ZNF516: variants seen among roughly 807,000 people sequenced by gnomAD.
ZNF516 encodes zinc finger protein 516.
A neutral mutation model predicts 79.7 loss-of-function variants in ZNF516; 19 were observed. The observed-to-expected ratio is 0.24, with a 90% CI of 0.17 to 0.35. The LOEUF (loss-of-function observed/expected upper bound fraction) is 0.35, where lower values mean the gene tolerates loss of function less well. Ranked by LOEUF, ZNF516 falls within the 10% of genes least tolerant of loss-of-function variation. ZNF516 has a pLI of 1.00. For synonymous variants in ZNF516, 877 were observed against 739.5 expected, an observed-to-expected ratio of 1.19 and a Z score of -3.02; for missense variants, 1,678 against 1,679.5, an observed-to-expected ratio of 1.00 and a Z score of 0.02.
chr18:76,404,715 G>A (rs76638533), intron 3 of ZNF516, among the ~76,000 whole-genome samples: 3,060 of 142,400 alleles, frequency 0.021, 86 homozygotes, highest in African/African-American at 0.076. Context: ...GCATATGCAC[G>A]TGTGCATGTG....
In ZNF516 at chr18:76,360,483, G is replaced by C. The variant is rs1401918283; in HGVS notation, c.*2015C>G. 6.6e-6 allele frequency: 1 copy of C among 151,578 alleles called. No homozygotes were observed. Among genetic ancestry groups the C allele is most frequent in the East Asian group, 1.9e-4 (1 of 5,180 alleles). The allele number at this position is 151,578 out of a possible 1,614,324, so 9.4% of individuals were successfully genotyped here. ...CTTCTGATTTCTTAGGTGGACAGAG[G>C]AATGTGTCTCCGCAACTTTGCCCAA... On this transcript the variant is annotated 3_prime_UTR_variant, in exon 7 of 7. Coordinates refer to ENST00000443185, the MANE Select transcript of ZNF516 (RefSeq NM_014643.4).
chr18:76,384,744 T>C (rs977764954), intron 3 of ZNF516, among the ~76,000 whole-genome samples: 17 of 152,020 alleles, frequency 1.1e-4, no homozygotes, highest in African/African-American at 3.9e-4. Context: ...CCTGGTTCCG[T>C]GGCTCCCATG....
At chr18:76,452,040 G>A (rs865805333) in intron 2 of ZNF516, among the ~76,000 whole-genome samples, 1 of 152,172 alleles carries the variant, frequency 6.6e-6, no homozygotes, top group African/African-American at 2.4e-5. Flanking sequence ...TTATGAACCA[G>A]CTACATTTCC....
At chr18:76,466,896 T>A (rs1913508855) in intron 1 of ZNF516, among the ~76,000 whole-genome samples, 1 of 151,874 alleles carries the variant, frequency 6.6e-6, no homozygotes, top group Non-Finnish European at 1.5e-5. Flanking sequence ...CCACGGGCGG[T>A]GAACGTGGGG....
intron 3 of ZNF516, among the ~76,000 whole-genome samples, chr18:76,405,691 C>T (rs905216644): frequency 8.6e-5 from 13 of 151,974 alleles, no homozygotes; most frequent in Admixed American, 6.5e-4. Context: ...GGTCATCAGG[C>T]CTGCAGTATT....
In ZNF516 at chr18:76,442,689, C is replaced by T. The variant is rs28670651; in HGVS notation, c.366G>A (p.Ser122=). Residue 122 remains serine (S), a synonymous_variant, in exon 3 of 7, where the codon TCG becomes TCA. Coordinates refer to ENST00000443185, the MANE Select transcript of ZNF516 (RefSeq NM_014643.4). The part of the protein sequence containing the change: ...DACASPTKSA[S]ACNRLLNGAS... ...CCCCGTTCAGCAGCCGGTTGCAGGC[C>T]GAGGCGCTCTTGGTGGGGCTGGCGC... The T allele has an allele frequency of 1.4e-4, 224 of 1,583,512 alleles. 2 individuals are homozygous for T. In the East Asian group the frequency reaches 5.1e-3, roughly 36 times the overall value.
Position 76,441,352 on chromosome 18 carries a change from G to A in ZNF516, c.1703C>T (p.Pro568Leu), listed in dbSNP as rs377322056. The A allele has an allele frequency of 2.5e-6, 4 of 1,611,432 alleles. No individual in the cohort carries two copies. The African/African-American group carries it at 4.0e-5, about 16-fold the overall frequency. The change falls in exon 3 of 7, where the codon CCC becomes CTC. Residue 568 changes from proline to leucine, a missense_variant. Transcript: ENST00000443185. The part of the protein sequence containing the change: ...SLSEGDSASQ[P>L]SSPGSACAAA... ...GGCACAGGCGGAGCCAGGGCTGCTG[G>A]GCTGGGAGGCCGAGTCACCCTCACT...
intron 1 of ZNF516, chr18:76,491,043 C>G (rs1460568419): frequency 1.0e-6 from 1 of 985,322 alleles, no homozygotes; most frequent in Non-Finnish European, 1.2e-6. Flanking sequence ...AATCCGCTCG[C>G]GGGCGCAGGA....
intron 3 of ZNF516, among the ~76,000 whole-genome samples, chr18:76,383,499 C>G (rs1475885253): frequency 1.4e-5 from 2 of 144,610 alleles, no homozygotes; most frequent in African/African-American, 2.6e-5. Flanking sequence ...CCAGGACCCT[C>G]TTCCCCACCA....
intron 1 of ZNF516, among the ~76,000 whole-genome samples, chr18:76,465,623 C>T (rs936571465): frequency 6.6e-6 from 1 of 152,184 alleles, no homozygotes; most frequent in African/African-American, 2.4e-5. Flanking sequence ...AAGACCAACC[C>T]CTGATGTGCT....
At chr18:76,383,864 A>G (rs1220999241) in intron 3 of ZNF516, among the ~76,000 whole-genome samples, 1 of 152,230 alleles carries the variant, frequency 6.6e-6, no homozygotes, top group Non-Finnish European at 1.5e-5. Context: ...TCCTGGACCC[A>G]GTGCTGTTGG....
chr18:76,449,908 A>G (rs1210946312), intron 2 of ZNF516, among the ~76,000 whole-genome samples: 1 of 152,266 alleles, frequency 6.6e-6, no homozygotes, highest in Non-Finnish European at 1.5e-5. Flanking sequence ...TAACACAATT[A>G]AAAAGTCTTT....
intron 3 of ZNF516, among the ~76,000 whole-genome samples, chr18:76,438,052 A>T (rs2075766905): frequency 6.6e-6 from 1 of 152,218 alleles, no homozygotes; most frequent in Admixed American, 6.5e-5. Flanking sequence ...GGAGTAGTGA[A>T]ATTAGTCTTG....
chr18:76,463,915 TAC>T (rs1007626195), intron 1 of ZNF516, among the ~76,000 whole-genome samples: 5 of 152,118 alleles, frequency 3.3e-5, no homozygotes, highest in African/African-American at 1.2e-4. Flanking sequence ...AGTCCTGAAC[TAC>T]ACACACTTTT....
rs370740248 is a variant in ZNF516 at position 76,440,546 on chromosome 18, G to A, written c.1810+699C>T. 3.3e-5 allele frequency among the ~76,000 whole-genome samples: 5 copies of A among 152,248 alleles called. No homozygotes were observed. The East Asian group carries it at 7.7e-4, about 23-fold the overall frequency. ...TCAAAATGTTTAAAATTTATAGAAA[G>A]TAGGAGAATTATGAAAACAAAGTTG... On this transcript the variant is annotated intron_variant, in intron 3 of 6. Coordinates refer to ENST00000443185, the MANE Select transcript of ZNF516 (RefSeq NM_014643.4).
chr18:76,387,892 T>C (rs563564216), intron 3 of ZNF516: 1 of 152,364 alleles, frequency 6.6e-6, no homozygotes, highest in Admixed American at 6.5e-5. Flanking sequence ...AACTCAAGTG[T>C]TGCTTTTGGC....
At chr18:76,432,751 G>A (rs928165260) in intron 3 of ZNF516, among the ~76,000 whole-genome samples, 3 of 152,236 alleles carry the variant, frequency 2.0e-5, no homozygotes, top group South Asian at 2.1e-4. Context: ...TAGGAAGCCT[G>A]CCGTGACAGT....
chr18:76,436,600 T>C (rs1347835197), intron 3 of ZNF516, among the ~76,000 whole-genome samples: 1 of 152,134 alleles, frequency 6.6e-6, no homozygotes, highest in Non-Finnish European at 1.5e-5. Flanking sequence ...GCGAAGGTAT[T>C]GTGAGAGCTC....
At chr18:76,383,779 G>C (rs768558520) in intron 3 of ZNF516, among the ~76,000 whole-genome samples, 4 of 152,258 alleles carry the variant, frequency 2.6e-5, no homozygotes, top group Non-Finnish European at 5.9e-5. Context: ...TGTACAGAGA[G>C]GCGCAGGCCC....
Sources: allele counts gnomAD v4.1 joint callset (sites outside exome capture counted in the v4.1 genomes callset), GRCh38; gene constraint gnomAD v4.1.1; transcripts MANE v1.5; gene names NCBI Gene and HGNC (gene_info 2026-07-23, HGNC 2026-07-21).